DRC11: variants seen among roughly 807,000 people sequenced by gnomAD.
DRC11 encodes the protein dynein regulatory complex subunit 11, also known as IQ and AAA domain-containing protein 1.
At chr2:236,395,560 T>G in the DRC11 span, among the ~76,000 whole-genome samples, 1 of 152,218 alleles carries the variant, frequency 6.6e-6, no homozygotes, top group Non-Finnish European at 1.5e-5. Flanking sequence ...TGAAGTGAAT[T>G]GCTCTTTTCT....
the DRC11 span, among the ~76,000 whole-genome samples, chr2:236,468,874 C>G: frequency 6.6e-6 from 1 of 152,224 alleles, no homozygotes; most frequent in East Asian, 1.9e-4. Flanking sequence ...AATGTATCAT[C>G]TGATGTTGCT....
At chr2:236,472,353 G>A in the DRC11 span, among the ~76,000 whole-genome samples, 48 of 152,182 alleles carry the variant, frequency 3.2e-4, no homozygotes, top group Non-Finnish European at 6.5e-4. The surrounding 1 kb of genome is among the most constrained non-coding windows in gnomAD (Gnocchi z 4.6). Context: ...ACGCAGGTGA[G>A]ATTTAAACCC....
chr2:236,433,522 T>C, the DRC11 span, among the ~76,000 whole-genome samples: 1 of 152,336 alleles, frequency 6.6e-6, no homozygotes, highest in East Asian at 1.9e-4. Context: ...AAATGGTCTC[T>C]TACATTACAT....
At chr2:236,380,344 A>G in the DRC11 span, among the ~76,000 whole-genome samples, 5 of 152,358 alleles carry the variant, frequency 3.3e-5, no homozygotes, top group South Asian at 1.0e-3. This position sits in a 1 kb window ranked among gnomAD's most constrained non-coding sequence, Gnocchi z 4.9. Flanking sequence ...AAAACTTAAA[A>G]AAATGTTATG....
At chr2:236,491,194 A>ACACAG in the DRC11 span, among the ~76,000 whole-genome samples, 1 of 63,310 alleles carries the variant, frequency 1.6e-5, no homozygotes, top group Admixed American at 1.6e-4. Flanking sequence ...CACAGTATAT[A>ACACAG]TATATATATA....
the DRC11 span, among the ~76,000 whole-genome samples, chr2:236,362,332 C>G: frequency 6.6e-6 from 1 of 152,164 alleles, no homozygotes; most frequent in African/African-American, 2.4e-5. This position sits in a 1 kb window ranked among gnomAD's most constrained non-coding sequence, Gnocchi z 5.7. Context: ...CCATCTCTGC[C>G]ACCCTTAAGA....
At chr2:236,438,178 A>G in the DRC11 span, among the ~76,000 whole-genome samples, 4 of 141,334 alleles carry the variant, frequency 2.8e-5, no homozygotes, top group East Asian at 6.0e-4. Flanking sequence ...CAGTTTTCCC[A>G]GCACCATTTA....
At chr2:236,507,458 T>G in the DRC11 span, 2 of 615,996 alleles carry the variant, frequency 3.2e-6, no homozygotes, top group African/African-American at 3.7e-5. Flanking sequence ...CGGGTTTGCT[T>G]CGCAGGCACG....
At chr2:236,375,642 A>G in the DRC11 span, among the ~76,000 whole-genome samples, 13 of 152,204 alleles carry the variant, frequency 8.5e-5, no homozygotes, top group African/African-American at 2.7e-4. The surrounding 1 kb of genome is among the most constrained non-coding windows in gnomAD (Gnocchi z 4.2). Context: ...CAAAGGGATT[A>G]AAATAACCAC....
chr2:236,456,527 C>A, the DRC11 span, among the ~76,000 whole-genome samples: 1 of 152,202 alleles, frequency 6.6e-6, no homozygotes, highest in Non-Finnish European at 1.5e-5. The surrounding 1 kb of genome is among the most constrained non-coding windows in gnomAD (Gnocchi z 5.4). Context: ...ACCCCGATAA[C>A]CTCAAGCCCC....
At chr2:236,481,291 C>T in the DRC11 span, among the ~76,000 whole-genome samples, 1 of 152,166 alleles carries the variant, frequency 6.6e-6, no homozygotes, top group Non-Finnish European at 1.5e-5. Flanking sequence ...TGCAAGGGAA[C>T]CCAAGATGGG....
the DRC11 span, among the ~76,000 whole-genome samples, chr2:236,357,578 A>G: frequency 1.6e-5 from 2 of 126,990 alleles, no homozygotes. Context: ...GCATAGTTAT[A>G]TATTATAAAT....
chr2:236,468,335 G>A, the DRC11 span, among the ~76,000 whole-genome samples: 2 of 152,078 alleles, frequency 1.3e-5, no homozygotes, highest in Non-Finnish European at 1.5e-5. Flanking sequence ...CAGGCAACTC[G>A]CCTGTCTCTG....
At chr2:236,336,858 C>A in the DRC11 span, among the ~76,000 whole-genome samples, 1 of 152,228 alleles carries the variant, frequency 6.6e-6, no homozygotes, top group Non-Finnish European at 1.5e-5. The surrounding 1 kb of genome is among the most constrained non-coding windows in gnomAD (Gnocchi z 7.3). Context: ...TCCCTCGAAT[C>A]TGGGCTGGCC....
At chr2:236,361,570 C>A in the DRC11 span, among the ~76,000 whole-genome samples, 2 of 152,040 alleles carry the variant, frequency 1.3e-5, no homozygotes, top group South Asian at 4.1e-4. The surrounding 1 kb of genome is among the most constrained non-coding windows in gnomAD (Gnocchi z 5.7). Flanking sequence ...TCACAAGATT[C>A]TCATATTTTA....
the DRC11 span, among the ~76,000 whole-genome samples, chr2:236,387,089 G>C: frequency 7.1e-3 from 1,080 of 151,986 alleles, 14 homozygotes; most frequent in Non-Finnish European, 9.5e-3. Flanking sequence ...CCCAGTATGT[G>C]GTCAATTTTG....
At chr2:236,320,771 C>T in the DRC11 span, among the ~76,000 whole-genome samples, 3 of 152,158 alleles carry the variant, frequency 2.0e-5, no homozygotes, top group South Asian at 4.1e-4. Flanking sequence ...TGGCCCAGGG[C>T]GGCTGAGGCC....
the DRC11 span, among the ~76,000 whole-genome samples, chr2:236,336,766 C>T: frequency 9.1e-4 from 139 of 152,172 alleles, no homozygotes; most frequent in Non-Finnish European, 1.7e-3. The surrounding 1 kb of genome is among the most constrained non-coding windows in gnomAD (Gnocchi z 7.3). Flanking sequence ...CCTCCAAGTC[C>T]TCACCGCTCC....
the DRC11 span, among the ~76,000 whole-genome samples, chr2:236,362,742 C>A: frequency 6.6e-6 from 1 of 152,112 alleles, no homozygotes; most frequent in Non-Finnish European, 1.5e-5. The surrounding 1 kb of genome is among the most constrained non-coding windows in gnomAD (Gnocchi z 5.7). Context: ...AAAAGTTGTA[C>A]AATGACCATA....
Sources: gnomAD v4.1 joint callset for allele counts (sites outside exome capture counted in the v4.1 genomes callset) on GRCh38, gnomAD v4.1.1 for gene constraint, Gnocchi (gnomAD v3.1) non-coding constraint, MANE v1.5 for transcripts, NCBI Gene and HGNC (gene_info 2026-07-23, HGNC 2026-07-21) for gene names.